The following SGCZ variants were observed in gnomAD, a reference collection of about 807,000 sequenced individuals.
SGCZ encodes the protein sarcoglycan zeta.
A neutral mutation model predicts 41.3 loss-of-function variants in SGCZ; 40 were observed. That is an observed-to-expected ratio of 0.97 (90% CI 0.75 to 1.26). The LOEUF (loss-of-function observed/expected upper bound fraction) is 1.26. Ranked by LOEUF, SGCZ falls within the 50% of genes most tolerant of loss-of-function variation. The pLI is 0.00. For missense variants in SGCZ, 552 were observed against 369.8 expected (o/e 1.49, Z -4.04); for synonymous variants, 206 against 137.5 (o/e 1.50, Z -3.49).
At chr8:14,287,809 G>A (rs572276710) in intron 3 of SGCZ, among the ~76,000 whole-genome samples, 2 of 152,174 alleles carry the variant, frequency 1.3e-5, no homozygotes, top group South Asian at 4.1e-4. Flanking sequence ...AGGATTCTTG[G>A]TTTGGGCAGT....
chr8:15,022,903 G>A (rs191274875), intron 1 of SGCZ, among the ~76,000 whole-genome samples: 17 of 152,254 alleles, frequency 1.1e-4, no homozygotes, highest in African/African-American at 4.1e-4. Flanking sequence ...AGTAACGTAC[G>A]TTTCACAGCC....
intron 1 of SGCZ, among the ~76,000 whole-genome samples, chr8:14,657,715 T>C (rs987387): frequency 0.59 from 90,090 of 151,798 alleles, 29,167 homozygotes; most frequent in African/African-American, 0.84. Context: ...ACACATATTG[T>C]GTTCCTGAAT....
intron 1 of SGCZ, among the ~76,000 whole-genome samples, chr8:14,606,595 T>C (rs995883103): frequency 1.3e-5 from 2 of 152,192 alleles, no homozygotes; most frequent in African/African-American, 2.4e-5. Context: ...AGTAGCCTGT[T>C]TCATTTGTCA....
intron 4 of SGCZ, among the ~76,000 whole-genome samples, chr8:14,235,555 G>A (rs934516691): frequency 6.6e-6 from 1 of 152,154 alleles, no homozygotes; most frequent in Non-Finnish European, 1.5e-5. Flanking sequence ...TTTATTTCCT[G>A]CAGGAAAGCA....
intron 2 of SGCZ, among the ~76,000 whole-genome samples, chr8:14,388,997 A>T (rs1287314195): frequency 6.6e-6 from 1 of 151,986 alleles, no homozygotes; most frequent in African/African-American, 2.4e-5. Flanking sequence ...GACAAGAAAA[A>T]AGCATAATAT....
At chr8:14,578,637 C>G (rs985206992) in intron 1 of SGCZ, among the ~76,000 whole-genome samples, 2 of 152,100 alleles carry the variant, frequency 1.3e-5, no homozygotes, top group Non-Finnish European at 2.9e-5. Context: ...AATTCTAGGG[C>G]ACATTCTGAG....
At chr8:15,132,182 G>T (rs1009875765) in intron 1 of SGCZ, among the ~76,000 whole-genome samples, 5 of 151,858 alleles carry the variant, frequency 3.3e-5, no homozygotes, top group Non-Finnish European at 4.4e-5. Context: ...CATTTATTTA[G>T]CAAGAACCAC....
At chr8:14,460,631 G>A (rs940785439) in intron 2 of SGCZ, among the ~76,000 whole-genome samples, 25 of 152,104 alleles carry the variant, frequency 1.6e-4, no homozygotes, top group African/African-American at 5.8e-4. Flanking sequence ...CACCAACTGA[G>A]AAATACCAAA....
chr8:14,699,691 G>T (rs759230137), intron 1 of SGCZ, among the ~76,000 whole-genome samples: 10 of 151,982 alleles, frequency 6.6e-5, no homozygotes, highest in Admixed American at 2.0e-4. Context: ...CCTACAGAAT[G>T]GGAATACATC....
chr8:14,357,365 AT>A (rs1803336594), intron 2 of SGCZ, among the ~76,000 whole-genome samples: 1 of 152,220 alleles, frequency 6.6e-6, no homozygotes, highest in Admixed American at 6.5e-5. Context: ...AATAAGATAT[AT>A]TCCATGTTAT....
chr8:14,937,085 G>C (rs1003128257), intron 1 of SGCZ, among the ~76,000 whole-genome samples: 2 of 151,698 alleles, frequency 1.3e-5, no homozygotes, highest in African/African-American at 4.8e-5. Flanking sequence ...AAAATGAAAA[G>C]TTTAAACTGG....
intron 1 of SGCZ, among the ~76,000 whole-genome samples, chr8:14,963,837 A>T (rs191925546): frequency 1.3e-5 from 2 of 152,106 alleles, no homozygotes; most frequent in Non-Finnish European, 2.9e-5. Flanking sequence ...ACTCATTGCA[A>T]CCCCAAAGTT....
At position 14,931,589 on chromosome 8, in the gene SGCZ, A is replaced by T. The variant is rs1297647727; in HGVS notation, c.39+305996T>A. ...TGTTTGCAAAAAATCTGATTATGAT[A>T]GTCTTTTCAAGTGAGCTCTGGAGCC... On this transcript the variant is annotated intron_variant, in intron 1 of 7. Transcript: ENST00000382080. Among the ~76,000 whole-genome samples the T allele has an allele frequency of 3.9e-5, 6 of 152,016 alleles. 1 individual carries two copies. The East Asian group carries it at 1.2e-3, about 29-fold the overall frequency.
At chr8:14,383,296 T>A (rs1379899896) in intron 2 of SGCZ, among the ~76,000 whole-genome samples, 1 of 152,254 alleles carries the variant, frequency 6.6e-6, no homozygotes, top group Non-Finnish European at 1.5e-5. Context: ...AGAGACATTT[T>A]GCTAAATTAT....
At chr8:14,790,886 C>G (rs537436506) in intron 1 of SGCZ, among the ~76,000 whole-genome samples, 1 of 151,728 alleles carries the variant, frequency 6.6e-6, no homozygotes, top group African/African-American at 2.4e-5. Flanking sequence ...CAAAAATTTG[C>G]GCAGGGTGGT....
intron 3 of SGCZ, among the ~76,000 whole-genome samples, chr8:14,287,245 C>T (rs890540): frequency 0.72 from 108,521 of 151,032 alleles, 40,085 homozygotes; most frequent in Non-Finnish European, 0.8. Context: ...TATATAATTA[C>T]ATAATATCAA....
At chr8:14,885,817 A>G (rs1804766544) in intron 1 of SGCZ, among the ~76,000 whole-genome samples, 2 of 151,646 alleles carry the variant, frequency 1.3e-5, no homozygotes, top group South Asian at 2.1e-4. Context: ...ATGATGTTAT[A>G]TTTTTCTGAT....
At chr8:14,442,048 A>G (rs187558702) in intron 2 of SGCZ, among the ~76,000 whole-genome samples, 70 of 152,356 alleles carry the variant, frequency 4.6e-4, no homozygotes, top group Non-Finnish European at 4.4e-5. Context: ...GCCCAAGGCC[A>G]TAACCAGAGA....
At chr8:15,052,930 A>G (rs58986111) in intron 1 of SGCZ, among the ~76,000 whole-genome samples, 2,192 of 152,216 alleles carry the variant, frequency 0.014, 39 homozygotes, top group African/African-American at 0.049. Context: ...TCTTCTCCAC[A>G]TCACTCCAAT....
Sources: allele counts gnomAD v4.1 joint callset (sites outside exome capture counted in the v4.1 genomes callset), GRCh38; gene constraint gnomAD v4.1.1; transcripts MANE v1.5; gene names NCBI Gene and HGNC (gene_info 2026-07-23, HGNC 2026-07-21).